HDAC11: variants seen among roughly 807,000 people sequenced by gnomAD.
HDAC11 encodes the protein histone deacetylase 11.
Under a neutral mutation model 41.1 loss-of-function variants are expected in HDAC11, and 23 were observed. The observed-to-expected ratio is 0.56, with a 90% confidence interval of 0.40 to 0.79. The LOEUF (loss-of-function observed/expected upper bound fraction) is 0.79, where lower values mean the gene tolerates loss of function less well. Among genes scored for constraint, HDAC11 ranks in the 30% least tolerant of loss-of-function variants. The pLI, the probability that HDAC11 is intolerant of heterozygous loss-of-function variation, is 0.00. For missense variants in HDAC11, 402 were observed against 477.3 expected, an observed-to-expected ratio of 0.84 and a Z score of 1.47; for synonymous variants, 187 against 186.6, an observed-to-expected ratio of 1.00 and a Z score of -0.02.
In HDAC11 at chr3:13,504,905, A is replaced by C. The variant is rs1475366132; in HGVS notation, c.*222A>C. On this transcript the variant is annotated 3_prime_UTR_variant, in exon 10 of 10. Transcript: ENST00000295757. ...GGGCAGAAGGCAGAGCCTGTGTCCC[A>C]GGGGGACCCACACGAAGTCACCAGC... The C allele has an allele frequency of 6.7e-6, 4 of 594,938 alleles. No homozygotes were observed. Among genetic ancestry groups the C allele is most frequent in the Non-Finnish European group, 1.2e-5 (4 of 334,826 alleles). The allele number at this position is 594,938 out of a possible 1,614,324, so 36.9% of individuals were successfully genotyped here.
intron 3 of HDAC11, among the ~76,000 whole-genome samples, chr3:13,491,394 G>T (rs1048145335): frequency 1.4e-4 from 21 of 151,996 alleles, no homozygotes; most frequent in African/African-American, 4.8e-4. Flanking sequence ...TTCCTAGTTT[G>T]TTGAGTGATT....
Position 13,505,701 on chromosome 3 carries a change from C to T in HDAC11, c.*1018C>T, listed in dbSNP as rs1366487528. ...TCTATCCTGGCCTGGGGATTATGAA[C>T]ATAGGTAGCCGGGGCAGGGCCCTGG... On this transcript the variant is annotated 3_prime_UTR_variant, in exon 10 of 10. Transcript: ENST00000295757. 1 of 152,224 alleles carries T rather than the reference C, an allele frequency of 6.6e-6. No homozygotes were observed. The highest frequency in any genetic ancestry group is 6.5e-5 in the Admixed American group (1 of 15,280). 9.4% of individuals were successfully genotyped at this position (152,224 alleles called of 1,614,324 possible). A position where few individuals can be genotyped will look rare whatever the true frequency, so the allele number is the denominator to read the frequency against.
At chr3:13,491,624 C>T (rs1701870408) in intron 3 of HDAC11, among the ~76,000 whole-genome samples, 1 of 152,162 alleles carries the variant, frequency 6.6e-6, no homozygotes, top group African/African-American at 2.4e-5. Context: ...AACCAGGTGT[C>T]TGGAAGGTGA....
chr3:13,502,270 C>G lies in HDAC11; in HGVS notation c.552+337C>G. On this transcript the variant is annotated intron_variant, in intron 7 of 9. Coordinates refer to ENST00000295757, the MANE Select transcript of HDAC11 (RefSeq NM_024827.4). The surrounding 1 kb of genome is among the most constrained non-coding windows in gnomAD (Gnocchi z 4.1). ...TTGGGGCACTGCCCCCTGCCCAGAG[C>G]TGCTGAGCACTGGCCACCTGCCCCT... 1 of 283,194 alleles carries G rather than the reference C, an allele frequency of 3.5e-6. No individual in the cohort carries two copies. The highest frequency in any genetic ancestry group is 6.7e-6 in the Non-Finnish European group (1 of 150,320). The allele number at this position is 283,194 out of a possible 1,614,324, so 17.5% of individuals were successfully genotyped here.
At chr3:13,487,561 GT>G (rs147866855) in intron 3 of HDAC11, among the ~76,000 whole-genome samples, 14,154 of 152,276 alleles carry the variant, frequency 0.093, 711 homozygotes, top group Middle Eastern at 0.14. Flanking sequence ...CCCTCTGAGG[GT>G]AGCTGTTGAG....
At position 13,483,539 on chromosome 3, in the gene HDAC11, C is replaced by G. The variant is rs373592991; in HGVS notation, c.227C>G (p.Thr76Arg). Residue 76 changes from threonine (T) to arginine (R), a missense_variant, in exon 3 of 10, where the codon ACG becomes AGG. Transcript: ENST00000295757. ...GAGGAGGACCTGCTGGTGGTGCACACGAGGCGCTATCTTAATGAGCTCAAG... is the reference window on the plus strand; with the variant it reads ...GAGGAGGACCTGCTGGTGGTGCACAGGAGGCGCTATCTTAATGAGCTCAAG... ...ASEEDLLVVHTRRYLNELKWS... is the reference protein window; with the variant it reads ...ASEEDLLVVHRRRYLNELKWS... 2 of 1,613,050 alleles carry G rather than the reference C, an allele frequency of 1.2e-6. No individual in the cohort carries two copies. Among genetic ancestry groups the G allele is most frequent in the Non-Finnish European group, 1.7e-6 (2 of 1,179,582 alleles).
chr3:13,501,676 C>G (rs1474444375), intron 6 of HDAC11, 195 bp from the exon 7 acceptor site: 4 of 715,840 alleles, frequency 5.6e-6, no homozygotes. Context: ...CTGACCACCT[C>G]CTGCATGCAC....
rs375128357 is a variant in HDAC11 at position 13,501,707 on chromosome 3, A to C, written c.490-164A>C. On this transcript the variant is annotated intron_variant, in intron 6 of 9. Coordinates refer to ENST00000295757, the MANE Select transcript of HDAC11 (RefSeq NM_024827.4). ...TGCACACATGGAGCCCCACAGCTGG[A>C]GCTGCACAGCTCTCCCTGGCAAGTG... is the stretch of plus-strand genomic sequence containing the variant. 630 of 730,674 alleles carry C rather than the reference A, an allele frequency of 8.6e-4. 8 individuals are homozygous for C. The highest frequency in any genetic ancestry group is 7.7e-3 in the Middle Eastern group (34 of 4,388). 45.3% of individuals were successfully genotyped at this position (730,674 alleles called of 1,614,324 possible). A position where few individuals can be genotyped will look rare whatever the true frequency, so the allele number is the denominator to read the frequency against.
At chr3:13,504,404 A>G in intron 9 of HDAC11, 64 bp from the exon 10 acceptor site, 1 of 1,597,840 alleles carries the variant, frequency 6.3e-7, no homozygotes, top group Non-Finnish European at 8.6e-7. Context: ...CTAGCCCTGC[A>G]GCAGGACTTC....
intron 3 of HDAC11, among the ~76,000 whole-genome samples, chr3:13,490,736 A>ATTT (rs796300897): frequency 1.3e-5 from 1 of 75,606 alleles, no homozygotes; most frequent in Non-Finnish European, 2.8e-5. Context: ...GTTTCTTAGC[A>ATTT]TTTTTTTCTT....
At chr3:13,497,618 T>C (rs1171358914) in intron 4 of HDAC11, among the ~76,000 whole-genome samples, 1 of 152,126 alleles carries the variant, frequency 6.6e-6, no homozygotes, top group Non-Finnish European at 1.5e-5. Context: ...GTGTGTGGTT[T>C]TTTTAAAAAA....
intron 6 of HDAC11, 56 bp downstream of exon 6, chr3:13,500,845 C>T: frequency 1.2e-5 from 15 of 1,262,226 alleles, no homozygotes; most frequent in Non-Finnish European, 1.6e-5. Flanking sequence ...GAATCCTCCC[C>T]ATAGCTCCAA....
rs371782397 is a variant in HDAC11, at chr3:13,497,909, G to A, written c.370-604G>A. ...CTCACTCTGTCCTCCAGGCTGGAGT[G>A]CAGGGGTGTGACCTTGGCTCACTGC... On this transcript the variant is annotated intron_variant, in intron 4 of 9. Transcript: ENST00000295757. 3.4e-4 allele frequency among the ~76,000 whole-genome samples: 47 copies of A among 137,858 alleles called. No individual in the cohort carries two copies. The East Asian group carries it at 4.4e-3, about 13-fold the overall frequency. 90.4% of individuals were successfully genotyped at this position (137,858 alleles called of 152,430 possible). A position where few individuals can be genotyped will look rare whatever the true frequency, so the allele number is the denominator to read the frequency against.
chr3:13,482,128 A>G (rs1007007500), intron 2 of HDAC11, among the ~76,000 whole-genome samples: 1 of 152,164 alleles, frequency 6.6e-6, no homozygotes, highest in Non-Finnish European at 1.5e-5. Flanking sequence ...TTGGGTTTGG[A>G]ACTCAGAGCT....
chr3:13,503,999 A>G, intron 8 of HDAC11, 95 bp from the exon 9 acceptor site: 1 of 1,179,166 alleles, frequency 8.5e-7, no homozygotes, highest in Non-Finnish European at 1.2e-6. Context: ...TGAATCTGAC[A>G]GACCAGTTTC....
At chr3:13,498,488 C>A (rs1291341728) in intron 4 of HDAC11, 25 bp from the exon 5 acceptor site, 1 of 1,613,790 alleles carries the variant, frequency 6.2e-7, no homozygotes, top group African/African-American at 1.3e-5. Flanking sequence ...GCCTGCGCCC[C>A]CTCACCCTCT....
rs746854250 is a variant in HDAC11 at position 13,501,973 on chromosome 3, C to T, written c.552+40C>T. Reference sequence around the variant, plus strand: ...GGGGCTGGACTCTTAGGGGACCTGCCACCCCCAGTTCCAGAATCTTCCCGG... The same window carrying T: ...GGGGCTGGACTCTTAGGGGACCTGCTACCCCCAGTTCCAGAATCTTCCCGG... On this transcript the variant is annotated intron_variant, in intron 7 of 9. Transcript: ENST00000295757. 1.9e-6 allele frequency: 3 copies of T among 1,557,276 alleles called. No homozygotes were observed. In the Admixed American group the frequency reaches 5.0e-5, roughly 26 times the overall value.
At chr3:13,492,396 C>T (rs1701907222) in intron 3 of HDAC11, among the ~76,000 whole-genome samples, 1 of 152,344 alleles carries the variant, frequency 6.6e-6, no homozygotes, top group South Asian at 2.1e-4. Flanking sequence ...GTCTGCACAG[C>T]AGTGAGCAGA....
At chr3:13,489,707 C>T (rs1478510548) in intron 3 of HDAC11, among the ~76,000 whole-genome samples, 1 of 152,170 alleles carries the variant, frequency 6.6e-6, no homozygotes, top group Non-Finnish European at 1.5e-5. Context: ...GCTGGGACTA[C>T]AGGCGTGTGC....
Sources: gnomAD v4.1 joint callset for allele counts (sites outside exome capture counted in the v4.1 genomes callset) on GRCh38, gnomAD v4.1.1 for gene constraint, Gnocchi (gnomAD v3.1) non-coding constraint, MANE v1.5 for transcripts, NCBI Gene and HGNC (gene_info 2026-07-23, HGNC 2026-07-21) for gene names.